Variants in ACOXL observed in about 807,000 individuals in gnomAD.
The protein encoded by ACOXL is acyl-CoA oxidase like, also known as acyl-coenzyme A oxidase-like protein.
Under a neutral mutation model 71.9 loss-of-function variants are expected in ACOXL, and 70 were observed. The observed-to-expected ratio is 0.97, with a 90% CI of 0.80 to 1.19. ACOXL has a LOEUF of 1.19. Among genes scored for constraint, ACOXL ranks in the 50% most tolerant of loss-of-function variants. ACOXL has a pLI of 0.00. For missense variants in ACOXL, 703 were observed against 736.3 expected (o/e 0.95, Z 0.52); for synonymous variants, 253 against 281.6 (o/e 0.90, Z 1.02).
At chr2:111,018,699 C>G (rs1294681222) in intron 14 of ACOXL, among the ~76,000 whole-genome samples, 1 of 123,414 alleles carries the variant, frequency 8.1e-6, no homozygotes, top group Non-Finnish European at 1.7e-5. Flanking sequence ...TGGGTGGTAG[C>G]AGAGAGGCTG....
chr2:110,778,926 G>T (rs1176834691), intron 2 of ACOXL, among the ~76,000 whole-genome samples: 1 of 152,190 alleles, frequency 6.6e-6, no homozygotes, highest in African/African-American at 2.4e-5. Flanking sequence ...CATCAAGCTG[G>T]TAATGTCAAT....
chr2:110,766,512 A>AG (rs1681089317), intron 1 of ACOXL, among the ~76,000 whole-genome samples: 2 of 152,152 alleles, frequency 1.3e-5, no homozygotes, highest in African/African-American at 4.8e-5. Context: ...GCCATCAGGA[A>AG]GGGGGAAGTT....
chr2:110,972,794 A>G (rs1407045078), intron 12 of ACOXL, among the ~76,000 whole-genome samples: 2 of 152,208 alleles, frequency 1.3e-5, no homozygotes, highest in Non-Finnish European at 2.9e-5. Context: ...AATTCCTCCA[A>G]CAACAAATTG....
intron 14 of ACOXL, 35 bp downstream of exon 14, chr2:110,996,039 CA>C (rs2063383307): frequency 6.5e-7 from 1 of 1,541,440 alleles, no homozygotes; most frequent in African/African-American, 1.4e-5. Flanking sequence ...TTCCTTTTGA[CA>C]TGTGTTTAAG....
At chr2:110,914,882 C>T (rs1237145562) in intron 11 of ACOXL, among the ~76,000 whole-genome samples, 1 of 151,958 alleles carries the variant, frequency 6.6e-6, no homozygotes, top group Non-Finnish European at 1.5e-5. Context: ...TGTTACATTG[C>T]CGGTATTATA....
At chr2:110,849,740 A>G (rs1157251439) in intron 10 of ACOXL, among the ~76,000 whole-genome samples, 2 of 147,748 alleles carry the variant, frequency 1.4e-5, no homozygotes, top group South Asian at 2.2e-4. Flanking sequence ...ACTGGGTGAC[A>G]GAGTGAGAAA....
At chr2:110,891,896 G>T (rs561683022) in intron 10 of ACOXL, among the ~76,000 whole-genome samples, 291 of 151,998 alleles carry the variant, frequency 1.9e-3, no homozygotes, top group African/African-American at 6.4e-3. Context: ...GCTTCCACTT[G>T]CCTCCCGAAG....
In ACOXL at chr2:110,798,666, C is replaced by A. The variant is rs187576230; in HGVS notation, c.402C>A (p.Ala134=). The part of the protein sequence containing the change: ...ENAEKMYIGN[A]MYGNYAAVFA... ...CGGAGAAGATGTATATTGGAAATGC[C>A]ATGTACGGGAATTATGCAGCTGTCT... is the stretch of plus-strand genomic sequence containing the variant. The change falls in exon 6 of 18, where the codon GCC becomes GCA. Residue 134 remains alanine, a synonymous_variant. Coordinates refer to ENST00000439055, the MANE Select transcript of ACOXL (RefSeq NM_001142807.4). 1 of 1,614,090 alleles carries A rather than the reference C, an allele frequency of 6.2e-7. No homozygotes were observed. Among genetic ancestry groups the A allele is most frequent in the Admixed American group, 1.7e-5 (1 of 60,016 alleles).
At chr2:111,021,520 G>A (rs994490867) in intron 14 of ACOXL, among the ~76,000 whole-genome samples, 8 of 152,258 alleles carry the variant, frequency 5.3e-5, no homozygotes, top group South Asian at 4.1e-4. Context: ...CCAGTGAGCC[G>A]CTGGCTACTG....
chr2:110,951,323 A>G (rs2061327341), intron 12 of ACOXL, among the ~76,000 whole-genome samples: 1 of 152,264 alleles, frequency 6.6e-6, no homozygotes, highest in African/African-American at 2.4e-5. Flanking sequence ...TTAAAGTGCC[A>G]TATTAATTCT....
intron 9 of ACOXL, among the ~76,000 whole-genome samples, chr2:110,811,554 TGTG>T (rs1247948063): frequency 6.6e-6 from 1 of 152,178 alleles, no homozygotes; most frequent in African/African-American, 2.4e-5. Context: ...ACTTTTGTGA[TGTG>T]GTGGCCTTAC....
intron 9 of ACOXL, among the ~76,000 whole-genome samples, chr2:110,823,857 T>C (rs1429022698): frequency 1.3e-5 from 2 of 152,228 alleles, no homozygotes; most frequent in African/African-American, 2.4e-5. Context: ...GTTATTTGTA[T>C]GTTTTGGATA....
intron 12 of ACOXL, among the ~76,000 whole-genome samples, chr2:110,962,821 A>G (rs900345711): frequency 6.6e-6 from 1 of 152,212 alleles, no homozygotes; most frequent in Non-Finnish European, 1.5e-5. Flanking sequence ...GTCAGCTCTG[A>G]CGTGACTGAC....
chr2:110,813,333 G>C (rs1285031191), intron 9 of ACOXL, among the ~76,000 whole-genome samples: 1 of 152,214 alleles, frequency 6.6e-6, no homozygotes, highest in East Asian at 1.9e-4. Context: ...CAAACCTTGG[G>C]TTGTGGCAGT....
chr2:110,785,370 TTGTGTGTGTGTGTGTGTGTGTG>T (rs34917698), intron 3 of ACOXL, among the ~76,000 whole-genome samples: 1 of 145,586 alleles, frequency 6.9e-6, no homozygotes, highest in Non-Finnish European at 1.5e-5. Context: ...ATGCACTCAG[TTGTGTGTGTGTGTGTGTGTGTG>T]TGTGTGTGGT....
intron 16 of ACOXL, among the ~76,000 whole-genome samples, chr2:111,055,216 T>C (rs2149854041): frequency 6.6e-6 from 1 of 152,240 alleles, no homozygotes; most frequent in Middle Eastern, 3.4e-3. Flanking sequence ...CCTTTGGTTC[T>C]CGTAAGGTGC....
intron 1 of ACOXL, among the ~76,000 whole-genome samples, chr2:110,745,334 G>C (rs1167255190): frequency 6.6e-6 from 1 of 152,232 alleles, no homozygotes; most frequent in Non-Finnish European, 1.5e-5. Context: ...GACCAACCCA[G>C]CTGGCCATTG....
rs1356234761 is a variant in ACOXL, at chr2:111,118,542, TG to T, written c.*727del. Among the ~76,000 whole-genome samples the T allele has an allele frequency of 6.6e-6, 1 of 152,192 alleles. No homozygotes were observed. The highest frequency in any genetic ancestry group is 1.5e-5 in the Non-Finnish European group (1 of 68,034). On this transcript the variant is annotated 3_prime_UTR_variant, in exon 18 of 18. Transcript: ENST00000439055. ...AAAGTTTAATAAAGAAATTAAGCGA[TG>T]TGGAAGTCGTTCCCGCTGCTTGCAG...
At chr2:110,828,370 A>G (rs1009463615) in intron 9 of ACOXL, among the ~76,000 whole-genome samples, 12 of 152,106 alleles carry the variant, frequency 7.9e-5, no homozygotes, top group African/African-American at 2.9e-4. Context: ...CCTTTAGATT[A>G]TTTCCTTAGG....
Sources: gnomAD v4.1 joint callset for allele counts (sites outside exome capture counted in the v4.1 genomes callset) on GRCh38, gnomAD v4.1.1 for gene constraint, MANE v1.5 for transcripts, NCBI Gene and HGNC (gene_info 2026-07-23, HGNC 2026-07-21) for gene names.